The following STRN variants were observed in gnomAD, a reference collection of about 807,000 sequenced individuals.
STRN encodes the protein protein phosphatase 2 regulatory subunit B'''alpha.
Under a neutral mutation model 96.3 loss-of-function variants are expected in STRN, and 53 were observed. The ratio of observed to expected loss-of-function variants is 0.55; its 90% CI spans 0.44 to 0.69. The LOEUF is 0.69. STRN is among the 30% of genes least tolerant of loss of function. The pLI is 0.00. For missense variants in STRN, 987 were observed against 963.9 expected (o/e 1.02, Z -0.32); for synonymous variants, 428 against 355.9 (o/e 1.20, Z -2.28).
chr2:36,905,552 T>C lies in STRN; in HGVS notation c.479A>G (p.Gln160Arg). Residue 160 changes from glutamine to arginine, a missense_variant, in exon 4 of 18, where the codon CAA (glutamine) becomes CGA (arginine). Gln to Arg is a conservative substitution (Grantham distance 43). Transcript: ENST00000263918. ...NSQLMWKQGR[Q>R]LLRQYLQEVG... is the part of the protein sequence containing the mutation. ...ATGAGACACTTACTGTCTGAGTAGT[T>C]GTCGACCTTGTTTCCACATTAACTG... is the stretch of plus-strand genomic sequence containing the variant. 1 of 1,613,792 alleles carries C rather than the reference T, an allele frequency of 6.2e-7. No individual in the cohort carries two copies. Among genetic ancestry groups the C allele is most frequent in the Admixed American group, 1.7e-5 (1 of 60,016 alleles).
chr2:36,960,903 T>C (rs531974743), intron 1 of STRN, among the ~76,000 whole-genome samples: 6 of 152,114 alleles, frequency 3.9e-5, no homozygotes, highest in African/African-American at 1.2e-4. Flanking sequence ...GTTTGTTTGA[T>C]TGATTTGTTC....
chr2:36,935,776 A>G (rs1257353405), intron 1 of STRN, among the ~76,000 whole-genome samples: 1 of 152,254 alleles, frequency 6.6e-6, no homozygotes, highest in South Asian at 2.1e-4. Flanking sequence ...TTAAAAGATA[A>G]AAGTTCAATC....
intron 5 of STRN, 25 bp from the exon 6 acceptor site, chr2:36,899,683 CTTAG>C (rs764960649): frequency 3.2e-5 from 50 of 1,544,862 alleles, no homozygotes; most frequent in Middle Eastern, 1.7e-4. Flanking sequence ...GTATATCCTG[CTTAG>C]TTAATCTTTT....
intron 1 of STRN, among the ~76,000 whole-genome samples, chr2:36,934,881 A>C (rs1297652152): frequency 2.6e-5 from 4 of 152,206 alleles, no homozygotes; most frequent in Admixed American, 2.0e-4. Flanking sequence ...GTTTGAGTCC[A>C]GCCATGGGCA....
At chr2:36,886,687 G>T in intron 8 of STRN, 29 bp downstream of exon 8, 1 of 1,544,548 alleles carries the variant, frequency 6.5e-7, no homozygotes, top group Non-Finnish European at 8.8e-7. Context: ...CAAGATTTAT[G>T]ATTTACAGAT....
At chr2:36,856,746 T>C (rs1158683960) in intron 14 of STRN, among the ~76,000 whole-genome samples, 3 of 152,178 alleles carry the variant, frequency 2.0e-5, no homozygotes, top group Non-Finnish European at 4.4e-5. Context: ...ATGTCAAACA[T>C]AATCCCCAAT....
At position 36,855,304 on chromosome 2, in the gene STRN, T is replaced by C. The variant is rs1456029418; in HGVS notation, c.1886A>G (p.His629Arg). 2 of 1,613,936 alleles carry C rather than the reference T, an allele frequency of 1.2e-6. No homozygotes were observed. The highest frequency in any genetic ancestry group is 2.2e-5 in the South Asian group (2 of 91,076). Residue 629 changes from histidine (H) to arginine (R), a missense_variant, in exon 15 of 18, where the codon CAT becomes CGT. His to Arg is a conservative substitution (Grantham distance 29). Transcript: ENST00000263918. ...SVDLVSSDPSHMVASFSKGYT... is the reference protein window; with the variant it reads ...SVDLVSSDPSRMVASFSKGYT... ...TCCCTTGCTGAATGATGCTACCATA[T>C]GGCTCGGGTCACTGCTCACTAGATC...
At chr2:36,958,797 A>C (rs963015874) in intron 1 of STRN, among the ~76,000 whole-genome samples, 1 of 152,172 alleles carries the variant, frequency 6.6e-6, no homozygotes, top group East Asian at 1.9e-4. Context: ...CCACAAATTC[A>C]AGGAGTCTAA....
rs2148114071 is a variant in STRN at position 36,844,367 on chromosome 2, A to G, written c.*5089T>C. The stretch of plus-strand genomic sequence containing the variant: ...CAGCTCTCTACAAGTCAATTAAAAT[A>G]CCATTCTCTGAGACATTTTCAGAGA... On this transcript the variant is annotated 3_prime_UTR_variant, in exon 18 of 18. Coordinates refer to ENST00000263918, the MANE Select transcript of STRN (RefSeq NM_003162.4). The G allele has an allele frequency of 6.6e-6, 1 of 152,288 alleles. No homozygotes were observed. The highest frequency in any genetic ancestry group is 6.5e-5 in the Admixed American group (1 of 15,284). 9.4% of individuals were successfully genotyped at this position (152,288 alleles called of 1,614,324 possible).
At chr2:36,914,486 C>T (rs1670039690) in intron 3 of STRN, among the ~76,000 whole-genome samples, 2 of 152,106 alleles carry the variant, frequency 1.3e-5, no homozygotes, top group Admixed American at 1.3e-4. Context: ...AAGCACATCT[C>T]AGGTCACAAG....
In STRN at chr2:36,852,736, A is replaced by C. The variant is rs560940755; in HGVS notation, c.1979-1629T>G. On this transcript the variant is annotated intron_variant, in intron 15 of 17. Transcript: ENST00000263918. ...TTACAAGTTTATATTCACATAATAG[A>C]AAATACAGCTAAAAATAGTCTAATC... Among the ~76,000 whole-genome samples the C allele has an allele frequency of 4.6e-5, 7 of 152,368 alleles. No individual in the cohort carries two copies. The South Asian group carries it at 6.2e-4, about 14-fold the overall frequency.
chr2:36,910,667 G>A (rs1165664822), intron 3 of STRN, among the ~76,000 whole-genome samples: 1 of 152,130 alleles, frequency 6.6e-6, no homozygotes, highest in Non-Finnish European at 1.5e-5. Flanking sequence ...GCCTGAAAAA[G>A]AAGGAAAAGA....
intron 1 of STRN, among the ~76,000 whole-genome samples, chr2:36,947,561 C>T (rs1664614076): frequency 6.8e-6 from 1 of 147,456 alleles, no homozygotes; most frequent in Non-Finnish European, 1.5e-5. Flanking sequence ...ATATTATTTA[C>T]ATATATATTA....
At chr2:36,909,524 A>G (rs551005677) in intron 3 of STRN, among the ~76,000 whole-genome samples, 17 of 152,304 alleles carry the variant, frequency 1.1e-4, no homozygotes, top group Non-Finnish European at 2.1e-4. Flanking sequence ...AACTGAGAGA[A>G]GGGGAAAGCA....
intron 8 of STRN, among the ~76,000 whole-genome samples, chr2:36,884,992 CCT>C (rs143379783): frequency 1.3e-5 from 2 of 151,952 alleles, no homozygotes; most frequent in African/African-American, 4.8e-5. Flanking sequence ...ATGTGTAGTC[CCT>C]CTCTCTTCAA....
intron 13 of STRN, among the ~76,000 whole-genome samples, chr2:36,860,246 A>C (rs1056506933): frequency 6.6e-6 from 1 of 152,198 alleles, no homozygotes; most frequent in African/African-American, 2.4e-5. Flanking sequence ...AACTAAAATG[A>C]ATAAAGTCAA....
chr2:36,849,658 T>C (rs200923832), intron 17 of STRN, 33 bp from the exon 18 acceptor site: 634 of 1,612,128 alleles, frequency 3.9e-4, no homozygotes, highest in Non-Finnish European at 5.2e-4. Context: ...AAGGAAAAAT[T>C]ACATTAACAT....
At chr2:36,964,182 G>GGGT (rs1553408131) in intron 1 of STRN, among the ~76,000 whole-genome samples, 2 of 133,200 alleles carry the variant, frequency 1.5e-5, no homozygotes, top group African/African-American at 5.9e-5. Flanking sequence ...GAACGGGGCG[G>GGGT]GGCGGGGGGA....
At chr2:36,928,134 A>T (rs185234655) in intron 1 of STRN, among the ~76,000 whole-genome samples, 37 of 148,886 alleles carry the variant, frequency 2.5e-4, no homozygotes, top group Middle Eastern at 3.4e-3. Context: ...ATTCCTACAT[A>T]AAAAAAAACG....
Sources: gnomAD v4.1 joint callset for allele counts (sites outside exome capture counted in the v4.1 genomes callset) on GRCh38, gnomAD v4.1.1 for gene constraint, MANE v1.5 for transcripts, NCBI Gene and HGNC (gene_info 2026-07-23, HGNC 2026-07-21) for gene names.